Variants in DTNA observed in about 807,000 individuals in gnomAD.
DTNA encodes dystrophin-related protein 3.
DTNA carries 43 observed loss-of-function variants against 100.7 expected under a neutral mutation model. The ratio of observed to expected loss-of-function variants is 0.43; its 90% CI spans 0.33 to 0.55. The LOEUF (loss-of-function observed/expected upper bound fraction) is 0.55. Ranked by LOEUF, DTNA falls within the 20% of genes least tolerant of loss-of-function variation. The pLI is 0.04. For missense variants in DTNA, 798 were observed against 953.9 expected, an observed-to-expected ratio of 0.84 and a Z score of 2.15; for synonymous variants, 349 against 347.9, an observed-to-expected ratio of 1.00 and a Z score of -0.04.
chr18:34,809,088 A>T (rs1222942440), intron 5 of DTNA, among the ~76,000 whole-genome samples: 1 of 152,214 alleles, frequency 6.6e-6, no homozygotes, highest in African/African-American at 2.4e-5. Context: ...TAATTTGGTC[A>T]CAAAAATCTC....
intron 1 of DTNA, among the ~76,000 whole-genome samples, chr18:34,531,447 A>G (rs1033095559): frequency 2.0e-5 from 3 of 152,142 alleles, no homozygotes; most frequent in Admixed American, 6.6e-5. Context: ...GAAAATTTAA[A>G]ACTATCTCAT....
intron 9 of DTNA, among the ~76,000 whole-genome samples, chr18:34,825,063 A>T (rs1020915603): frequency 4.0e-5 from 6 of 149,454 alleles, no homozygotes; most frequent in Non-Finnish European, 8.9e-5. Context: ...AGAAAATGCC[A>T]TTTTTTTTTT....
intron 1 of DTNA, among the ~76,000 whole-genome samples, chr18:34,613,451 G>C (rs2054617754): frequency 6.6e-6 from 1 of 152,214 alleles, no homozygotes; most frequent in South Asian, 2.1e-4. Flanking sequence ...AAGACAGGCT[G>C]AAAGCTAGGC....
intron 4 of DTNA, among the ~76,000 whole-genome samples, chr18:34,804,824 A>G (rs1313977546): frequency 4.6e-5 from 7 of 152,322 alleles, no homozygotes; most frequent in Non-Finnish European, 1.0e-4. Context: ...AGTCACTAGC[A>G]TAGGGTTCAG....
chr18:34,851,969 C>A, intron 15 of DTNA, 41 bp downstream of exon 15: 2 of 1,589,660 alleles, frequency 1.3e-6, no homozygotes, highest in African/African-American at 1.3e-5. Flanking sequence ...GATCAATGTG[C>A]GCATTCCTTA....
chr18:34,501,569 C>G (rs937352534), intron 1 of DTNA, among the ~76,000 whole-genome samples: 2 of 152,110 alleles, frequency 1.3e-5, no homozygotes, highest in African/African-American at 4.8e-5. Flanking sequence ...GTAGAATTCT[C>G]CAGTGAAATC....
chr18:34,698,197 C>T (rs1234532857), intron 1 of DTNA, among the ~76,000 whole-genome samples: 1 of 152,182 alleles, frequency 6.6e-6, no homozygotes, highest in Non-Finnish European at 1.5e-5. Context: ...CCTGTAGAGT[C>T]CCTTTTGTGA....
rs187246372 is a variant in DTNA at position 34,604,790 on chromosome 18, A to G, written c.-2+111276A>G. Among the ~76,000 whole-genome samples, 178 of 152,200 alleles carry G rather than the reference A, an allele frequency of 1.2e-3. 1 individual carries two copies. Among genetic ancestry groups the G allele is most frequent in the African/African-American group, 3.9e-3 (163 of 41,534 alleles). ...GATCCTGGTGTGCAAGTTACATTAC[A>G]TTTTTCATTGCACAAGAGTAAATTA... On this transcript the variant is annotated intron_variant, in intron 1 of 19. Coordinates refer to the DTNA transcript ENST00000283365.
At chr18:34,682,232 T>G (rs1339369625) in intron 1 of DTNA, among the ~76,000 whole-genome samples, 3 of 152,204 alleles carry the variant, frequency 2.0e-5, no homozygotes, top group Non-Finnish European at 2.9e-5. Context: ...TTCCATGTTT[T>G]GGAAATTATG....
At chr18:34,610,458 G>A (rs764314506) in intron 1 of DTNA, among the ~76,000 whole-genome samples, 10 of 152,206 alleles carry the variant, frequency 6.6e-5, no homozygotes, top group East Asian at 5.8e-4. Context: ...TATGACTTCC[G>A]TATGACTGAG....
intron 1 of DTNA, among the ~76,000 whole-genome samples, chr18:34,715,165 A>C (rs2083767220): frequency 6.6e-6 from 1 of 151,970 alleles, no homozygotes; most frequent in Non-Finnish European, 1.5e-5. Context: ...TATGTAACTA[A>C]CCTGCACAAT....
chr18:34,831,590 A>T (rs2096011024), intron 11 of DTNA, among the ~76,000 whole-genome samples: 1 of 152,152 alleles, frequency 6.6e-6, no homozygotes, highest in Admixed American at 6.5e-5. Flanking sequence ...CAATGTGGTG[A>T]AACTCCATCT....
At chr18:34,881,689 T>G (rs2096875220) in intron 20 of DTNA, among the ~76,000 whole-genome samples, 1 of 152,184 alleles carries the variant, frequency 6.6e-6, no homozygotes, top group African/African-American at 2.4e-5. Context: ...GAAAGTGATC[T>G]TGGGTTCTAT....
chr18:34,600,029 A>C (rs1253827250), intron 1 of DTNA, among the ~76,000 whole-genome samples: 1 of 152,260 alleles, frequency 6.6e-6, no homozygotes, highest in Middle Eastern at 3.4e-3. Context: ...ATTTGTCTTA[A>C]TCTCCACACA....
chr18:34,661,550 A>C (rs2075185893), intron 1 of DTNA, among the ~76,000 whole-genome samples: 2 of 152,168 alleles, frequency 1.3e-5, no homozygotes, highest in South Asian at 4.1e-4. Context: ...CTTTCAGTTC[A>C]CATCTCACAC....
At chr18:34,556,871 G>T (rs1220924924) in intron 1 of DTNA, among the ~76,000 whole-genome samples, 4 of 150,004 alleles carry the variant, frequency 2.7e-5, no homozygotes, top group African/African-American at 1.0e-4. Flanking sequence ...TTCTCGAGGA[G>T]TATCTTTGTG....
At chr18:34,580,773 A>T (rs1598723907) in intron 1 of DTNA, among the ~76,000 whole-genome samples, 1 of 151,818 alleles carries the variant, frequency 6.6e-6, no homozygotes. Context: ...CTGAATGAAG[A>T]CCTCTGCACC....
At chr18:34,816,186 A>G (rs1345981588) in intron 7 of DTNA, among the ~76,000 whole-genome samples, 172 bp downstream of exon 7, 1 of 152,218 alleles carries the variant, frequency 6.6e-6, no homozygotes, top group South Asian at 2.1e-4. Flanking sequence ...TTAAAGGACC[A>G]CTGAAAAATT....
intron 4 of DTNA, among the ~76,000 whole-genome samples, chr18:34,804,205 G>C (rs2095301293): frequency 6.6e-6 from 1 of 152,208 alleles, no homozygotes; most frequent in Non-Finnish European, 1.5e-5. Context: ...TGTTAGGAGG[G>C]GGAGGGGCCA....
Sources: allele counts gnomAD v4.1 joint callset (sites outside exome capture counted in the v4.1 genomes callset), GRCh38; gene constraint gnomAD v4.1.1; transcripts MANE v1.5; gene names NCBI Gene and HGNC (gene_info 2026-07-23, HGNC 2026-07-21).